The following RPS6KA3 variants were observed in gnomAD, a reference collection of about 807,000 sequenced individuals.
RPS6KA3 encodes ribosomal protein S6 kinase alpha-3.
RPS6KA3 carries 4 observed loss-of-function variants against 67.2 expected under a neutral mutation model. The ratio of observed to expected loss-of-function variants is 0.06; its 90% CI spans 0.03 to 0.14. The LOEUF is 0.14. RPS6KA3 is among the 10% of genes least tolerant of loss of function. The pLI is 1.00. For synonymous variants in RPS6KA3, 182 were observed against 183.7 expected (o/e 0.99, Z 0.07); for missense variants, 204 against 559.0 (o/e 0.36, Z 6.40).
chrX:20,173,329 C>T (rs1006267240), intron 14 of RPS6KA3, among the ~76,000 whole-genome samples: 1 of 111,858 alleles, frequency 8.9e-6, no homozygotes, highest in Non-Finnish European at 1.9e-5. Flanking sequence ...AACTTTGAGC[C>T]TGTATTTTCT....
chrX:20,167,833 C>A (rs1461241319), intron 16 of RPS6KA3, 86 bp from the exon 17 acceptor site: 1 of 616,457 alleles, frequency 1.6e-6, no homozygotes, highest in Non-Finnish European at 2.7e-6. Flanking sequence ...AAAAATTAAA[C>A]TCACTTCATA....
intron 9 of RPS6KA3, 65 bp downstream of exon 9, chrX:20,187,763 A>T: frequency 1.1e-6 from 1 of 946,266 alleles, no homozygotes; most frequent in Non-Finnish European, 1.5e-6. Context: ...TTTCTTTAAC[A>T]TTCACTGCTG....
At chrX:20,258,102 G>A (rs2070122861) in intron 1 of RPS6KA3, among the ~76,000 whole-genome samples, 1 of 112,005 alleles carries the variant, frequency 8.9e-6, no homozygotes, top group African/African-American at 3.2e-5. Context: ...AAACACTGGT[G>A]TAAAAAATGC....
At chrX:20,159,981 T>C (rs1048073040) in intron 20 of RPS6KA3, among the ~76,000 whole-genome samples, 2 of 111,907 alleles carry the variant, frequency 1.8e-5, no homozygotes, top group Non-Finnish European at 3.8e-5. Flanking sequence ...ACTAGTCACA[T>C]GGAATGACCA....
chrX:20,252,405 T>C, intron 1 of RPS6KA3, among the ~76,000 whole-genome samples: 1 of 111,173 alleles, frequency 9.0e-6, no homozygotes, highest in East Asian at 2.8e-4. Flanking sequence ...CTCTTTCCTA[T>C]TTAATCTTTT....
In RPS6KA3 at chrX:20,209,459, C is replaced by T. The variant is rs1198299496; in HGVS notation, c.127-55G>A. 4.7e-5 allele frequency: 29 copies of T among 612,134 alleles called. 1 individual carries two copies. Among genetic ancestry groups the T allele is most frequent in the South Asian group, 1.8e-4 (8 of 43,272 alleles). The allele number at this position is 612,134 out of a possible 1,213,427, so 50.4% of individuals were successfully genotyped here. ...AGGGTTAGCCAGAGCTATTTTCTCC[C>T]GCTAAAAATCAAACAATATTAATTT... On this transcript the variant is annotated intron_variant, in intron 2 of 21. Coordinates refer to ENST00000379565, the MANE Select transcript of RPS6KA3 (RefSeq NM_004586.3).
chrX:20,249,772 T>A (rs1339113807), intron 1 of RPS6KA3, among the ~76,000 whole-genome samples: 1 of 112,388 alleles, frequency 8.9e-6, no homozygotes, highest in Non-Finnish European at 1.9e-5. Context: ...TTTCAGAAGT[T>A]CAATTTATTG....
At chrX:20,164,498 T>C (rs749655620) in intron 18 of RPS6KA3, among the ~76,000 whole-genome samples, 1 of 106,340 alleles carries the variant, frequency 9.4e-6, no homozygotes, top group South Asian at 4.7e-4. Flanking sequence ...GTGATCCTCC[T>C]ACCTCAGCCT....
At chrX:20,183,106 T>C (rs1466296157) in intron 10 of RPS6KA3, among the ~76,000 whole-genome samples, 1 of 111,821 alleles carries the variant, frequency 8.9e-6, no homozygotes, top group East Asian at 2.8e-4. Context: ...CCCATGTTTT[T>C]ATTGGGTTGG....
intron 2 of RPS6KA3, among the ~76,000 whole-genome samples, chrX:20,226,517 A>C (rs1382091549): frequency 8.9e-6 from 1 of 112,218 alleles, no homozygotes; most frequent in East Asian, 2.8e-4. Flanking sequence ...CCATTTTCCC[A>C]TAAAAGTGCA....
intron 2 of RPS6KA3, among the ~76,000 whole-genome samples, chrX:20,226,301 G>C (rs1337830832): frequency 7.1e-5 from 8 of 112,134 alleles, no homozygotes; most frequent in Admixed American, 1.9e-4. Context: ...AATCCAGCCA[G>C]AACAGAATGG....
At chrX:20,156,390 G>T (rs2067188992) in intron 20 of RPS6KA3, 141 bp from the exon 21 acceptor site, 1 of 642,608 alleles carries the variant, frequency 1.6e-6, no homozygotes, top group Non-Finnish European at 2.5e-6. Context: ...ATGGTAATTT[G>T]GGGGAAAAAA....
chrX:20,224,223 T>C (rs1007978107), intron 2 of RPS6KA3, among the ~76,000 whole-genome samples: 1 of 111,282 alleles, frequency 9.0e-6, no homozygotes, highest in Admixed American at 9.6e-5. Context: ...ACCAGGTAAT[T>C]TGGTTTGGGG....
chrX:20,246,366 C>T (rs2069690326), intron 1 of RPS6KA3, among the ~76,000 whole-genome samples: 1 of 110,733 alleles, frequency 9.0e-6, no homozygotes, highest in South Asian at 3.8e-4. Flanking sequence ...TCTCTTTCCT[C>T]CTGCTCATCT....
At chrX:20,241,729 A>T (rs2147015726) in intron 1 of RPS6KA3, 1 of 111,408 alleles carries the variant, frequency 9.0e-6, no homozygotes, top group East Asian at 2.8e-4. Context: ...TTTCAAAGGA[A>T]CTGAAATCAG....
chrX:20,172,939 T>C, intron 14 of RPS6KA3, 68 bp from the exon 15 acceptor site: 2 of 984,161 alleles, frequency 2.0e-6, no homozygotes, highest in South Asian at 2.0e-5. Flanking sequence ...TAGGGAAGTA[T>C]GTTACTCAGC....
At chrX:20,157,564 GAGA>G (rs952409581) in intron 20 of RPS6KA3, among the ~76,000 whole-genome samples, 1 of 110,270 alleles carries the variant, frequency 9.1e-6, no homozygotes, top group Non-Finnish European at 1.9e-5. Context: ...TTCAGTGAAG[GAGA>G]GATAAAGAAT....
chrX:20,212,694 A>G (rs2068746902), intron 2 of RPS6KA3, among the ~76,000 whole-genome samples: 2 of 110,331 alleles, frequency 1.8e-5, no homozygotes, highest in African/African-American at 6.6e-5. Context: ...AGCCATGATC[A>G]TGCCACTGTA....
At chrX:20,166,803 C>A (rs2067452110) in intron 17 of RPS6KA3, among the ~76,000 whole-genome samples, 1 of 105,711 alleles carries the variant, frequency 9.5e-6, no homozygotes, top group South Asian at 4.4e-4. Context: ...CTGCAACCTC[C>A]GCCTCTCGGG....
Sources: allele counts gnomAD v4.1 joint callset (sites outside exome capture counted in the v4.1 genomes callset), GRCh38; gene constraint gnomAD v4.1.1; transcripts MANE v1.5; gene names NCBI Gene and HGNC (gene_info 2026-07-23, HGNC 2026-07-21).